TLE6: variants seen among roughly 807,000 people sequenced by gnomAD.
The protein encoded by TLE6 is transducin-like enhancer protein 6.
TLE6 carries 72 observed loss-of-function variants against 77.1 expected under a neutral mutation model. That is an observed-to-expected ratio of 0.93 (90% CI 0.77 to 1.14). The LOEUF (loss-of-function observed/expected upper bound fraction) is 1.14. Among genes scored for constraint, TLE6 ranks in the 50% most tolerant of loss-of-function variants. The pLI is 0.00. For missense variants in TLE6, 843 were observed against 747.6 expected, an observed-to-expected ratio of 1.13 and a Z score of -1.49; for synonymous variants, 366 against 287.3, an observed-to-expected ratio of 1.27 and a Z score of -2.77.
At chr19:2,977,493 G>A (rs1392067449), upstream of TLE6, 1 of 152,428 alleles carries the variant, frequency 6.6e-6, no homozygotes, top group Non-Finnish European at 1.5e-5. Flanking sequence ...GGCCTGGGCG[G>A]GACGGGGCGG....
At position 2,995,060 on chromosome 19, in the gene TLE6, C is replaced by CCT. The variant is rs1555687642; in HGVS notation, c.*57_*58insTC. The CCT allele has an allele frequency of 9.7e-7, 1 of 1,027,458 alleles. No individual in the cohort carries two copies. The highest frequency in any genetic ancestry group is 1.5e-6 in the Non-Finnish European group (1 of 686,244). 63.6% of individuals were successfully genotyped at this position (1,027,458 alleles called of 1,614,324 possible). A position where few individuals can be genotyped will look rare whatever the true frequency, so the allele number is the denominator to read the frequency against. Reference sequence around the variant, plus strand: ...TCCTCTTTTCATCCCCCCCCTTCCCCCCCCCCAACAAGGGGGACATGGTGG... The same window carrying CCT: ...TCCTCTTTTCATCCCCCCCCTTCCCCCTCCCCCCAACAAGGGGGACATGGTGG... On this transcript the variant is annotated 3_prime_UTR_variant, in exon 17 of 17. Coordinates refer to ENST00000246112, the MANE Select transcript of TLE6 (RefSeq NM_001143986.2).
chr19:2,993,337 C>T, intron 14 of TLE6, 95 bp from the exon 15 acceptor site: 1 of 1,358,392 alleles, frequency 7.4e-7, no homozygotes, highest in Non-Finnish European at 9.9e-7. Context: ...GGGTCAGTCA[C>T]CCGGCCTCCA....
intron 5 of TLE6, 109 bp from the exon 6 acceptor site, chr19:2,986,720 A>G: frequency 1.7e-6 from 2 of 1,148,980 alleles, no homozygotes; most frequent in Non-Finnish European, 2.5e-6. Context: ...TCTCAAAAAA[A>G]CAAGTAGATT....
intron 2 of TLE6, among the ~76,000 whole-genome samples, chr19:2,978,778 C>T (rs2088732117): frequency 6.6e-6 from 1 of 152,064 alleles, no homozygotes; most frequent in Admixed American, 6.6e-5. Flanking sequence ...CATCTAATCA[C>T]ATATGTGATA....
intron 5 of TLE6, among the ~76,000 whole-genome samples, chr19:2,983,308 G>C (rs1199348993): frequency 6.6e-6 from 1 of 152,178 alleles, no homozygotes; most frequent in South Asian, 2.1e-4. Flanking sequence ...GGGGCGAGTG[G>C]AGCCTGGTAG....
At chr19:2,983,736 C>T (rs1599154672) in intron 5 of TLE6, among the ~76,000 whole-genome samples, 1 of 152,050 alleles carries the variant, frequency 6.6e-6, no homozygotes, top group East Asian at 1.9e-4. Context: ...GAGGGCAGGC[C>T]CTGGCTACTG....
intron 2 of TLE6, among the ~76,000 whole-genome samples, chr19:2,978,768 C>T (rs546603457): frequency 3.3e-5 from 5 of 152,186 alleles, no homozygotes; most frequent in Admixed American, 3.3e-4. Context: ...AAAAATGTAG[C>T]ATCTAATCAC....
intron 13 of TLE6, 37 bp from the exon 14 acceptor site, chr19:2,991,806 C>T (rs1568218552): frequency 1.9e-6 from 3 of 1,610,526 alleles, no homozygotes; most frequent in Non-Finnish European, 2.5e-6. Context: ...ACCTCAGAGT[C>T]TTGACCTGAT....
Position 2,980,298 on chromosome 19 carries a change from G to A in TLE6, c.134+116G>A, listed in dbSNP as rs536303368. The A allele has an allele frequency of 1.4e-4, 110 of 774,342 alleles. No individual in the cohort carries two copies. In the African/African-American group the frequency reaches 1.7e-3, roughly 12 times the overall value. 48.0% of individuals were successfully genotyped at this position (774,342 alleles called of 1,614,324 possible). A position where few individuals can be genotyped will look rare whatever the true frequency, so the allele number is the denominator to read the frequency against. On this transcript the variant is annotated intron_variant, in intron 3 of 16. Transcript: ENST00000246112. Reference sequence around the variant, plus strand: ...CTGCTGGCCCAAGAGCCAGGCTCAGGAACAGGAAGCCATGCAGATACCCAG... The same window carrying A: ...CTGCTGGCCCAAGAGCCAGGCTCAGAAACAGGAAGCCATGCAGATACCCAG...
At position 2,991,905 on chromosome 19, in the gene TLE6, C is replaced by G; in HGVS notation, c.1307C>G (p.Thr436Ser). 5 of 1,613,878 alleles carry G rather than the reference C, an allele frequency of 3.1e-6. No homozygotes were observed. The highest frequency in any genetic ancestry group is 4.2e-6 in the Non-Finnish European group (5 of 1,179,982). Reference protein sequence around the residue: ...SIVVKGYNIWTGGPDACLRCW... With the variant: ...SIVVKGYNIWSGGPDACLRCW... Reference sequence around the variant, plus strand: ...GTGGTCAAGGGCTACAACATCTGGACTGGGGGTCCGGATGCCTGTCTGCGG... The same window carrying G: ...GTGGTCAAGGGCTACAACATCTGGAGTGGGGGTCCGGATGCCTGTCTGCGG... The change falls in exon 14 of 17, where the codon ACT (threonine) becomes AGT (serine). Residue 436 changes from threonine to serine, a missense_variant. Thr to Ser is a moderately conservative substitution (Grantham distance 58). Transcript: ENST00000246112.
intron 2 of TLE6, among the ~76,000 whole-genome samples, 170 bp from the exon 3 acceptor site, chr19:2,979,930 C>T (rs1408526744): frequency 6.7e-6 from 1 of 148,666 alleles, no homozygotes; most frequent in Non-Finnish European, 1.5e-5. Context: ...TGCCACTGCA[C>T]TCCAGCCTGG....
At chr19:2,979,220 G>C (rs1231961543) in intron 2 of TLE6, among the ~76,000 whole-genome samples, 1 of 152,012 alleles carries the variant, frequency 6.6e-6, no homozygotes, top group Non-Finnish European at 1.5e-5. Flanking sequence ...CCAAAGTGCT[G>C]GGGTTATAGG....
At chr19:2,987,479 A>G in intron 8 of TLE6, 107 bp downstream of exon 8, 1 of 1,515,596 alleles carries the variant, frequency 6.6e-7, no homozygotes, top group South Asian at 1.1e-5. Context: ...TCTTCCTTCC[A>G]TCCTGCCCCT....
At position 2,978,254 on chromosome 19, in the gene TLE6, C is replaced by G. The variant is rs1190095222; in HGVS notation, c.21C>G (p.Pro7=). 1.9e-6 allele frequency: 3 copies of G among 1,551,400 alleles called. No individual in the cohort carries two copies. Among genetic ancestry groups the G allele is most frequent in the Non-Finnish European group, 2.6e-6 (3 of 1,146,982 alleles). MTSRDQ[P]RPKGPPKSTS... The stretch of plus-strand genomic sequence containing the variant: ...TGAAGATGACCTCTAGGGACCAGCC[C>G]AGACCCAAGGGCCCCCCGAAAAGCA... The change falls in exon 2 of 17, where the codon CCC becomes CCG. Residue 7 remains proline, a synonymous_variant. Transcript: ENST00000246112.
In TLE6 at chr19:2,991,872, A is replaced by G. The variant is rs755579533; in HGVS notation, c.1274A>G (p.Lys425Arg). The G allele has an allele frequency of 9.3e-6, 15 of 1,613,708 alleles. No homozygotes were observed. The African/African-American group carries it at 2.0e-4, about 22-fold the overall frequency. The change falls in exon 14 of 17, where the codon AAG (lysine) becomes AGG (arginine). Residue 425 changes from lysine to arginine, a missense_variant. By Grantham distance (26) the Lys-to-Arg change is conservative. Transcript: ENST00000246112. ...RDLKGYPDGV[K>R]SIVVKGYNIW... ...CTCAAGGGTTATCCTGATGGAGTCA[A>G]GAGTATCGTGGTCAAGGGCTACAAC...
In TLE6 at chr19:2,994,198, A is replaced by G. The variant is rs887341855; in HGVS notation, c.1614+103A>G. 6 of 948,126 alleles carry G rather than the reference A, an allele frequency of 6.3e-6. No homozygotes were observed. The African/African-American group carries it at 8.2e-5, about 13-fold the overall frequency. The allele number at this position is 948,126 out of a possible 1,614,324, so 58.7% of individuals were successfully genotyped here. ...TCCACAAAAAACTTAAAAAGTAGCC[A>G]GGTGTGGTGGCTCACGGCTTTAATC... On this transcript the variant is annotated intron_variant, in intron 16 of 16. Coordinates refer to ENST00000246112, the MANE Select transcript of TLE6 (RefSeq NM_001143986.2).
chr19:2,982,295 T>C (rs11673024), intron 5 of TLE6, 106 bp downstream of exon 5: 329,286 of 1,300,702 alleles, frequency 0.25, 45,114 homozygotes, highest in Non-Finnish European at 0.29. Context: ...CCCAGCACTT[T>C]GGGAGGCCGA....
Position 2,987,761 on chromosome 19 carries a change from GA to G in TLE6, c.598del (p.Thr200GlnfsTer115), listed in dbSNP as rs1395283141. ...ESKAPGSCDP[G>X]TDPCPEDAST... Reference sequence around the variant, plus strand: ...AAGGCACCAGGATCCTGTGACCCAGGAACAGACCCATGTCCTGAAGATGCCT... The same window carrying G: ...AAGGCACCAGGATCCTGTGACCCAGGACAGACCCATGTCCTGAAGATGCCT... On this transcript the variant is annotated frameshift_variant, in exon 9 of 17. Coordinates refer to ENST00000246112, the MANE Select transcript of TLE6 (RefSeq NM_001143986.2). LOFTEE classifies it high-confidence loss of function. 1 of 1,614,186 alleles carries G rather than the reference GA, an allele frequency of 6.2e-7. No homozygotes were observed. The highest frequency in any genetic ancestry group is 1.1e-5 in the South Asian group (1 of 91,082).
chr19:2,978,534 G>C (rs2088726874), intron 2 of TLE6, among the ~76,000 whole-genome samples: 1 of 152,148 alleles, frequency 6.6e-6, no homozygotes, highest in South Asian at 2.1e-4. Flanking sequence ...AGGACCACTT[G>C]AGCCCAGGAG....
Sources: allele counts gnomAD v4.1 joint callset (sites outside exome capture counted in the v4.1 genomes callset), GRCh38; gene constraint gnomAD v4.1.1; transcripts MANE v1.5; gene names NCBI Gene and HGNC (gene_info 2026-07-23, HGNC 2026-07-21).